Variants in SOS1 observed in about 807,000 individuals in gnomAD.
SOS1 encodes son of sevenless homolog 1.
In SOS1, 25 loss-of-function variants were observed where a neutral mutation model predicts 157.6. The ratio of observed to expected loss-of-function variants is 0.16; its 90% CI spans 0.12 to 0.22. The LOEUF (loss-of-function observed/expected upper bound fraction) is 0.22, where lower values mean the gene tolerates loss of function less well. Ranked by LOEUF, SOS1 falls within the 10% of genes least tolerant of loss-of-function variation. SOS1 has a pLI of 1.00. For missense variants in SOS1, 1,237 were observed against 1,599.1 expected (o/e 0.77, Z 3.86); for synonymous variants, 528 against 534.0 (o/e 0.99, Z 0.16).
chr2:39,093,155 G>C (rs1672650403), intron 1 of SOS1, among the ~76,000 whole-genome samples: 2 of 152,086 alleles, frequency 1.3e-5, no homozygotes, highest in Non-Finnish European at 2.9e-5. Context: ...TTGAAAGATA[G>C]GCACTATTTT....
chr2:39,044,429 G>A (rs1179537322), intron 6 of SOS1, among the ~76,000 whole-genome samples: 5 of 152,024 alleles, frequency 3.3e-5, no homozygotes, highest in Non-Finnish European at 4.4e-5. Flanking sequence ...GGTGTATCAC[G>A]TTATCTTTCT....
intron 11 of SOS1, 71 bp downstream of exon 11, chr2:39,014,694 G>A (rs1362416814): frequency 4.9e-6 from 4 of 812,264 alleles, no homozygotes; most frequent in African/African-American, 1.7e-5. Flanking sequence ...TAACATTTCT[G>A]AAAAGGATCT....
chr2:39,103,844 A>C (rs1272349471), intron 1 of SOS1, among the ~76,000 whole-genome samples: 1 of 152,244 alleles, frequency 6.6e-6, no homozygotes, highest in African/African-American at 2.4e-5. Context: ...CATTATCAAG[A>C]AACTAAAAAG....
At chr2:39,009,359 C>CA (rs1243369253) in intron 15 of SOS1, among the ~76,000 whole-genome samples, 1 of 152,120 alleles carries the variant, frequency 6.6e-6, no homozygotes, top group African/African-American at 2.4e-5. Flanking sequence ...GTTGCTAGCC[C>CA]ACCCTCCAGA....
chr2:38,987,180 T>C (rs1357843698), intron 22 of SOS1, among the ~76,000 whole-genome samples: 1 of 152,184 alleles, frequency 6.6e-6, no homozygotes, highest in Admixed American at 6.5e-5. Flanking sequence ...TGTATGCTTT[T>C]AAAGAACTGC....
chr2:39,023,749 C>T, intron 9 of SOS1: 1 of 412,246 alleles, frequency 2.4e-6, no homozygotes, highest in Non-Finnish European at 4.4e-6. Flanking sequence ...CTACCCGATA[C>T]ATTTTACTCT....
Position 38,985,873 on chromosome 2 carries a change from G to C in SOS1, c.3953C>G (p.Ser1318Cys), listed in dbSNP as rs1375806273. 1.4e-5 allele frequency: 23 copies of C among 1,613,780 alleles called. No homozygotes were observed. Among genetic ancestry groups the C allele is most frequent in the Non-Finnish European group, 1.7e-5 (20 of 1,179,850 alleles). The change falls in exon 23 of 23, where the codon TCC (serine) becomes TGC (cysteine). Residue 1318 changes from serine to cysteine, a missense_variant. By Grantham distance (112) the Ser-to-Cys change is moderately radical. Transcript: ENST00000402219. ...CAGTGGTGGTCCATCTCTGTGCATG[G>C]ATGGGTGTGTGTGCTCCCTTTTGTA... Reference protein sequence around the residue: ...KTYKREHTHPSMHRDGPPLLE... With the variant: ...KTYKREHTHPCMHRDGPPLLE...
chr2:39,010,823 C>A, intron 14 of SOS1, 120 bp from the exon 15 acceptor site: 3 of 755,616 alleles, frequency 4.0e-6, no homozygotes, highest in Non-Finnish European at 6.7e-6. Flanking sequence ...CTTATACCAA[C>A]AGAAAGGTCT....
chr2:39,043,303 C>T (rs1339341814), intron 6 of SOS1, among the ~76,000 whole-genome samples: 3 of 152,068 alleles, frequency 2.0e-5, no homozygotes, highest in Non-Finnish European at 4.4e-5. Context: ...TAAGAGTAAA[C>T]ATCATAAGAT....
chr2:39,118,478 T>C (rs1558522465), intron 1 of SOS1, among the ~76,000 whole-genome samples: 1 of 152,248 alleles, frequency 6.6e-6, no homozygotes, highest in Non-Finnish European at 1.5e-5. Flanking sequence ...GGAAGAACCT[T>C]ACATATCAGC....
At chr2:39,001,002 C>A (rs570737791) in intron 17 of SOS1, among the ~76,000 whole-genome samples, 2 of 152,300 alleles carry the variant, frequency 1.3e-5, no homozygotes, top group Admixed American at 6.5e-5. Flanking sequence ...AAAGCCAATG[C>A]TAAAGGCTTG....
chr2:39,098,434 G>A lies in SOS1; in HGVS notation c.87+21902C>T, dbSNP rs149188929. 14 of 168,474 alleles carry A rather than the reference G, an allele frequency of 8.3e-5. No homozygotes were observed. In the East Asian group the frequency reaches 1.6e-3, roughly 19 times the overall value. The allele number at this position is 168,474 out of a possible 1,614,324, so 10.4% of individuals were successfully genotyped here. A position where few individuals can be genotyped will look rare whatever the true frequency, so the allele number is the denominator to read the frequency against. On this transcript the variant is annotated intron_variant, in intron 1 of 22. Transcript: ENST00000402219. ...ACAGTGGAAGAAACCTTCTAAAAGC[G>A]TGTGCTGACAAAACTCCCACTGCTA...
intron 1 of SOS1, among the ~76,000 whole-genome samples, chr2:39,112,668 T>C (rs1673484308): frequency 6.6e-6 from 1 of 152,208 alleles, no homozygotes; most frequent in South Asian, 2.1e-4. Context: ...CAGACTTCAT[T>C]ATTCCTTCTA....
At chr2:39,004,145 G>A (rs1353495396) in intron 17 of SOS1, among the ~76,000 whole-genome samples, 1 of 152,186 alleles carries the variant, frequency 6.6e-6, no homozygotes, top group African/African-American at 2.4e-5. Context: ...GCCGGGTGCG[G>A]TGGCTCAAGC....
At chr2:39,023,447 T>G (rs1189517794) in intron 9 of SOS1, among the ~76,000 whole-genome samples, 1 of 152,024 alleles carries the variant, frequency 6.6e-6, no homozygotes, top group African/African-American at 2.4e-5. Context: ...GCTGACAAAA[T>G]TCTCCTTAAA....
intron 6 of SOS1, among the ~76,000 whole-genome samples, chr2:39,049,627 G>A (rs1035799163): frequency 2.6e-5 from 4 of 151,672 alleles, no homozygotes; most frequent in African/African-American, 9.7e-5. Flanking sequence ...TTGTTTTTTG[G>A]AATTCTGTAT....
rs1291713070 is a variant in SOS1, at chr2:39,120,862, T to G, written c.-440A>C. The G allele has an allele frequency of 6.6e-6, 1 of 152,308 alleles. No homozygotes were observed. Among genetic ancestry groups the G allele is most frequent in the Non-Finnish European group, 1.5e-5 (1 of 68,094 alleles). 9.4% of individuals were successfully genotyped at this position (152,308 alleles called of 1,614,324 possible). A position where few individuals can be genotyped will look rare whatever the true frequency, so the allele number is the denominator to read the frequency against. Reference sequence around the variant, plus strand: ...GGCCGCGGCGCCCGCTCCGCGTAGTTGGGACTCCGAAACGCAAGAGCCCCG... The same window carrying G: ...GGCCGCGGCGCCCGCTCCGCGTAGTGGGGACTCCGAAACGCAAGAGCCCCG... On this transcript the variant is annotated 5_prime_UTR_variant, in exon 1 of 23. Coordinates refer to ENST00000402219, the MANE Select transcript of SOS1 (RefSeq NM_005633.4).
chr2:39,114,939 C>T (rs1208801934), intron 1 of SOS1, among the ~76,000 whole-genome samples: 1 of 152,092 alleles, frequency 6.6e-6, no homozygotes, highest in South Asian at 2.1e-4. Flanking sequence ...TTCTCAGACA[C>T]TAGGGTTTCA....
chr2:39,043,199 T>C (rs530238001), intron 6 of SOS1, among the ~76,000 whole-genome samples: 8 of 152,360 alleles, frequency 5.3e-5, no homozygotes, highest in African/African-American at 1.9e-4. Context: ...AAGAAATTCA[T>C]GAGTGAATGT....
Sources: allele counts gnomAD v4.1 joint callset (sites outside exome capture counted in the v4.1 genomes callset), GRCh38; gene constraint gnomAD v4.1.1; transcripts MANE v1.5; gene names NCBI Gene and HGNC (gene_info 2026-07-23, HGNC 2026-07-21).